Variants in PCNT observed in about 807,000 individuals in gnomAD.
The protein encoded by PCNT is pericentrin.
A neutral mutation model predicts 380.4 loss-of-function variants in PCNT; 319 were observed. That is an observed-to-expected ratio of 0.84 (90% CI 0.77 to 0.92). The LOEUF (loss-of-function observed/expected upper bound fraction) is 0.92, where lower values mean the gene tolerates loss of function less well. Ranked by LOEUF, PCNT falls within the 40% of genes least tolerant of loss-of-function variation. PCNT has a pLI of 0.00. For missense variants in PCNT, 4,400 were observed against 4,255.3 expected (o/e 1.03, Z -0.95); for synonymous variants, 1,845 against 1,735.2 (o/e 1.06, Z -1.57).
Position 46,411,240 on chromosome 21 carries a change from A to G in PCNT, c.5167A>G (p.Asn1723Asp), listed in dbSNP as rs372245671. The G allele has an allele frequency of 1.0e-4, 164 of 1,614,084 alleles. No homozygotes were observed. Among genetic ancestry groups the G allele is most frequent in the Non-Finnish European group, 1.4e-4 (160 of 1,180,028 alleles). The change falls in exon 28 of 47, where the codon AAT becomes GAT. Residue 1723 changes from asparagine to aspartate, a missense_variant. Physicochemically the swap from Asn to Asp is conservative, Grantham distance 23 (BLOSUM62 1). Transcript: ENST00000359568. ...EIEELKATIENLQENQKRLQK... is the reference protein window; with the variant it reads ...EIEELKATIEDLQENQKRLQK... ...TGAAGAGCTGAAAGCCACTATTGAA[A>G]ATCTGCAAGAGAATCAGAAACGATT...
intron 9 of PCNT, among the ~76,000 whole-genome samples, chr21:46,351,863 G>A (rs2084285583): frequency 6.6e-6 from 1 of 152,232 alleles, no homozygotes; most frequent in South Asian, 2.1e-4. Context: ...TCGGAAGGAC[G>A]GTTGAGTGCT....
intron 21 of PCNT, among the ~76,000 whole-genome samples, chr21:46,393,128 G>T (rs1390331185): frequency 1.3e-5 from 2 of 152,108 alleles, no homozygotes; most frequent in African/African-American, 2.4e-5. Flanking sequence ...TCTCCCCACG[G>T]GCCTCTAAGC....
Position 46,354,040 on chromosome 21 carries a change from T to C in PCNT, c.1733T>C (p.Val578Ala). 6.2e-7 allele frequency: 1 copy of C among 1,614,084 alleles called. No individual in the cohort carries two copies. The highest frequency in any genetic ancestry group is 8.5e-7 in the Non-Finnish European group (1 of 1,179,974). The change falls in exon 11 of 47, where the codon GTT (valine) becomes GCT (alanine). Residue 578 changes from valine to alanine, a missense_variant. Transcript: ENST00000359568. ...CCTGAGAAAGGAAGAAAAGATCACG[T>C]TGATGAACTCGAGCCTGAGCGACAT... Reference protein sequence around the residue: ...EKPEKGRKDHVDELEPERHKE... With the variant: ...EKPEKGRKDHADELEPERHKE...
At chr21:46,355,680 T>C (rs1378570655) in intron 12 of PCNT, 54 bp downstream of exon 12, 1 of 1,587,148 alleles carries the variant, frequency 6.3e-7, no homozygotes, top group African/African-American at 1.3e-5. Flanking sequence ...CTGGGGGACG[T>C]TCTCGGGGAG....
At position 46,412,026 on chromosome 21, in the gene PCNT, T is replaced by A; in HGVS notation, c.5953T>A (p.Ser1985Thr). Residue 1985 changes from serine (S) to threonine (T), a missense_variant, in exon 28 of 47, where the codon TCC becomes ACC. Transcript: ENST00000359568. ...CCAGGTCACCGGCGACGTGGAGGCC[T>A]CCCATGATGCTGCTTTGGAGCCGGT... Reference protein sequence around the residue: ...KAQVTGDVEASHDAALEPVVP... With the variant: ...KAQVTGDVEATHDAALEPVVP... 1 of 1,608,372 alleles carries A rather than the reference T, an allele frequency of 6.2e-7. No homozygotes were observed. The highest frequency in any genetic ancestry group is 8.5e-7 in the Non-Finnish European group (1 of 1,179,832).
In PCNT at chr21:46,355,612, A is replaced by G; in HGVS notation, c.1922A>G (p.Glu641Gly). The change falls in exon 12 of 47, where the codon GAA becomes GGA. Residue 641 changes from glutamate to glycine, a missense_variant. By Grantham distance (98) the Glu-to-Gly change is moderately conservative. Transcript: ENST00000359568. ...CACGAGTGGCGTCTGGAACCCTCTGAAGGGCACAGCCAAGGTGGGCCCCTC... is the reference window on the plus strand; with the variant it reads ...CACGAGTGGCGTCTGGAACCCTCTGGAGGGCACAGCCAAGGTGGGCCCCTC... ...LGHEWRLEPS[E>G]GHSQELPWVH... 1 of 1,613,732 alleles carries G rather than the reference A, an allele frequency of 6.2e-7. No individual in the cohort carries two copies.
intron 2 of PCNT, among the ~76,000 whole-genome samples, chr21:46,334,183 C>T (rs113285491): frequency 1.8e-4 from 26 of 146,276 alleles, no homozygotes; most frequent in African/African-American, 4.9e-4. Context: ...CCAGCCTGGG[C>T]GACAGAGCAA....
At chr21:46,374,093 G>A (rs2085252870) in intron 15 of PCNT, among the ~76,000 whole-genome samples, 1 of 152,132 alleles carries the variant, frequency 6.6e-6, no homozygotes, top group African/African-American at 2.4e-5. Flanking sequence ...CAATTGGGCT[G>A]TGGGGAGGTG....
At chr21:46,442,460 C>T (rs774975827) in intron 43 of PCNT, 37 bp from the exon 44 acceptor site, 16 of 1,319,462 alleles carry the variant, frequency 1.2e-5, no homozygotes, top group South Asian at 1.1e-4. Flanking sequence ...CCTGTCTTGC[C>T]GTACTTTTAA....
intron 3 of PCNT, among the ~76,000 whole-genome samples, chr21:46,338,895 C>T (rs751268318): frequency 1.3e-5 from 2 of 151,910 alleles, no homozygotes; most frequent in Non-Finnish European, 2.9e-5. Flanking sequence ...GTTCTCCCGC[C>T]TCAGCCTCCC....
At chr21:46,396,438 C>T (rs371292589) in intron 21 of PCNT, among the ~76,000 whole-genome samples, 26 of 152,256 alleles carry the variant, frequency 1.7e-4, no homozygotes, top group South Asian at 8.3e-4. Context: ...AGTGGGAGGA[C>T]CACTCCCAAA....
intron 28 of PCNT, among the ~76,000 whole-genome samples, chr21:46,412,321 T>C (rs2147685732): frequency 6.6e-6 from 1 of 152,332 alleles, no homozygotes; most frequent in South Asian, 2.1e-4. Flanking sequence ...TAAAAACAAT[T>C]CTTTCTTTCA....
chr21:46,378,818 A>G (rs1164250886), intron 15 of PCNT, among the ~76,000 whole-genome samples: 1 of 152,222 alleles, frequency 6.6e-6, no homozygotes, highest in African/African-American at 2.4e-5. Flanking sequence ...TTGCTAATGT[A>G]GCATCATTCC....
At chr21:46,360,668 G>A (rs551051967) in intron 13 of PCNT, among the ~76,000 whole-genome samples, 2 of 151,950 alleles carry the variant, frequency 1.3e-5, no homozygotes, top group South Asian at 4.2e-4. Flanking sequence ...ACAGGCGTCC[G>A]CCACCACACC....
Position 46,366,939 on chromosome 21 carries a change from G to A in PCNT, c.2965G>A (p.Ala989Thr). The A allele has an allele frequency of 6.2e-7, 1 of 1,614,218 alleles. No individual in the cohort carries two copies. The highest frequency in any genetic ancestry group is 8.5e-7 in the Non-Finnish European group (1 of 1,180,038). ...FQTIREEHRQ[A>T]LELLRADFEE... ...GACCATCCGTGAGGAGCACAGGCAG[G>A]CCCTAGAGCTCTTACGAGCAGACTT... The change falls in exon 15 of 47, where the codon GCC (alanine) becomes ACC (threonine). Residue 989 changes from alanine (A) to threonine (T), a missense_variant. Transcript: ENST00000359568.
rs1368838551 is a variant in PCNT, at chr21:46,432,066, C to T, written c.8602C>T (p.Pro2868Ser). 5 of 1,613,994 alleles carry T rather than the reference C, an allele frequency of 3.1e-6. No homozygotes were observed. Among genetic ancestry groups the T allele is most frequent in the Admixed American group, 1.7e-5 (1 of 60,020 alleles). The change falls in exon 38 of 47, where the codon CCA (proline) becomes TCA (serine). Residue 2868 changes from proline to serine, a missense_variant. Physicochemically the swap from Pro to Ser is moderately conservative, Grantham distance 74. Coordinates refer to ENST00000359568, the MANE Select transcript of PCNT (RefSeq NM_006031.6). ...CTCTCTGGAGAGAGAGAGGGAGAAA[C>T]CAGCGTGGTTGCAGGCAGAATTAGA... ...RCSLEREREK[P>S]AWLQAELEQS...
At position 46,427,542 on chromosome 21, in the gene PCNT, C is replaced by T. The variant is rs796471675; in HGVS notation, c.7321-80C>T. 18 of 1,548,264 alleles carry T rather than the reference C, an allele frequency of 1.2e-5. No individual in the cohort carries two copies. In the African/African-American group the frequency reaches 1.4e-4, roughly 12 times the overall value. On this transcript the variant is annotated intron_variant, in intron 33 of 46. Coordinates refer to ENST00000359568, the MANE Select transcript of PCNT (RefSeq NM_006031.6). ...ACCTCCCGCAGGCCCCATCTCCAAA[C>T]GCAGTCACACTGCGAACTTTAGGGC... is the stretch of plus-strand genomic sequence containing the variant.
At position 46,442,626 on chromosome 21, in the gene PCNT, C is replaced by G. The variant is rs982625836; in HGVS notation, c.9700+53C>G. On this transcript the variant is annotated intron_variant, in intron 44 of 46. Coordinates refer to ENST00000359568, the MANE Select transcript of PCNT (RefSeq NM_006031.6). Reference sequence around the variant, plus strand: ...GGACTCACAAACCTTTCTTTCTACTCTTGTTTTTCATTCACTTTGGGTCAT... The same window carrying G: ...GGACTCACAAACCTTTCTTTCTACTGTTGTTTTTCATTCACTTTGGGTCAT... 2.7e-6 allele frequency: 3 copies of G among 1,125,638 alleles called. No individual in the cohort carries two copies. In the African/African-American group the frequency reaches 4.6e-5, roughly 17 times the overall value. 69.7% of individuals were successfully genotyped at this position (1,125,638 alleles called of 1,614,324 possible).
At chr21:46,418,332 A>AT (rs1168208252) in intron 31 of PCNT, 26 bp downstream of exon 31, 1 of 1,330,240 alleles carries the variant, frequency 7.5e-7, no homozygotes, top group Non-Finnish European at 1.1e-6. Flanking sequence ...TTCATTTTTA[A>AT]TTTTTTATTT....
Sources: allele counts gnomAD v4.1 joint callset (sites outside exome capture counted in the v4.1 genomes callset), GRCh38; gene constraint gnomAD v4.1.1; transcripts MANE v1.5; gene names NCBI Gene and HGNC (gene_info 2026-07-23, HGNC 2026-07-21).